The following NKAIN2 variants were observed in gnomAD, a reference collection of about 807,000 sequenced individuals.
NKAIN2 encodes sodium/potassium-transporting ATPase subunit beta-1-interacting protein 2.
Under a neutral mutation model 32.6 loss-of-function variants are expected in NKAIN2, and 14 were observed. That is an observed-to-expected ratio of 0.43 (90% CI 0.28 to 0.67). NKAIN2 has a LOEUF of 0.67. Ranked by LOEUF, NKAIN2 falls within the 30% of genes least tolerant of loss-of-function variation. NKAIN2 has a pLI of 0.17. For missense variants in NKAIN2, 198 were observed against 258.3 expected (o/e 0.77, Z 1.60); for synonymous variants, 80 against 87.2 (o/e 0.92, Z 0.46).
At chr6:124,435,433 GTTTT>G (rs1422418887) in intron 3 of NKAIN2, among the ~76,000 whole-genome samples, 1 of 152,104 alleles carries the variant, frequency 6.6e-6, no homozygotes, top group Non-Finnish European at 1.5e-5. Flanking sequence ...TTAAATGTGT[GTTTT>G]TTGTTTGCTA....
chr6:124,408,559 TCTGTTTTGGTACCAGTACCATG>T (rs1773986028), intron 3 of NKAIN2, among the ~76,000 whole-genome samples: 1 of 152,174 alleles, frequency 6.6e-6, no homozygotes, highest in Non-Finnish European at 1.5e-5. Flanking sequence ...GATCTATATG[TCTGTTTTGGTACCAGTACCATG>T]CTGTTTTGGT....
chr6:124,264,008 A>G (rs1794370373), intron 1 of NKAIN2, among the ~76,000 whole-genome samples: 1 of 152,188 alleles, frequency 6.6e-6, no homozygotes, highest in Non-Finnish European at 1.5e-5. Flanking sequence ...TCCTTGTAGG[A>G]AAAAGGAAAT....
At chr6:124,747,127 C>A (rs2114702088) in intron 4 of NKAIN2, among the ~76,000 whole-genome samples, 1 of 151,938 alleles carries the variant, frequency 6.6e-6, no homozygotes. Flanking sequence ...TTCAATATTT[C>A]TTTAATAATA....
chr6:124,437,974 A>G (rs1029549276), intron 3 of NKAIN2: 6 of 411,084 alleles, frequency 1.5e-5, no homozygotes, highest in Non-Finnish European at 2.8e-5. Context: ...GCAGCTCCTT[A>G]TATCTGGAAA....
rs112148060 is a variant in NKAIN2, at chr6:123,903,911, AT to A, written c.54+99669del. ...AAAGCTCTTCCAGTCTATTATACGCATTTTTTTTTTTTCTAAAGAAAACAAG... is the reference window on the plus strand; with the variant it reads ...AAAGCTCTTCCAGTCTATTATACGCATTTTTTTTTTTCTAAAGAAAACAAG... On this transcript the variant is annotated intron_variant, in intron 1 of 6. Transcript: ENST00000368417. Among the ~76,000 whole-genome samples, 988 of 145,962 alleles carry A rather than the reference AT, an allele frequency of 6.8e-3. 10 individuals are homozygous for A. The highest frequency in any genetic ancestry group is 0.019 in the African/African-American group (748 of 40,158).
chr6:124,400,637 T>C (rs1452163441), intron 3 of NKAIN2, among the ~76,000 whole-genome samples: 2 of 152,190 alleles, frequency 1.3e-5, no homozygotes, highest in African/African-American at 4.8e-5. Context: ...TTTCTTTCTT[T>C]TTTCTCTTCA....
At chr6:124,641,658 T>C (rs994403195) in intron 3 of NKAIN2, among the ~76,000 whole-genome samples, 3 of 148,512 alleles carry the variant, frequency 2.0e-5, no homozygotes, top group Non-Finnish European at 4.5e-5. Context: ...CTAAAGCGAT[T>C]CTCCTGCTTC....
chr6:124,014,622 G>C (rs1347918510), intron 1 of NKAIN2, among the ~76,000 whole-genome samples: 5 of 151,318 alleles, frequency 3.3e-5, no homozygotes, highest in Admixed American at 3.3e-4. Context: ...TTTCTTCACA[G>C]ACTTAGTTTT....
At position 124,729,199 on chromosome 6, in the gene NKAIN2, C is replaced by G. The variant is rs1776513855; in HGVS notation, c.475-62140C>G. ...TAGAAAAAGAGGAAATCCTCCCTAA[C>G]TCATTTTATGAGGCCAGCATCATTC... On this transcript the variant is annotated intron_variant, in intron 4 of 6. Coordinates refer to ENST00000368417, the MANE Select transcript of NKAIN2 (RefSeq NM_001040214.3). Among the ~76,000 whole-genome samples, 4 of 152,040 alleles carry G rather than the reference C, an allele frequency of 2.6e-5. No homozygotes were observed. The South Asian group carries it at 8.3e-4, about 32-fold the overall frequency.
intron 3 of NKAIN2, among the ~76,000 whole-genome samples, chr6:124,478,839 A>G (rs886519478): frequency 5.9e-5 from 9 of 152,182 alleles, no homozygotes; most frequent in Admixed American, 3.9e-4. Context: ...CTTTCCAAAT[A>G]GTACAGTATG....
intron 3 of NKAIN2, among the ~76,000 whole-genome samples, chr6:124,433,181 G>T: frequency 1.3e-5 from 2 of 152,220 alleles, no homozygotes; most frequent in Non-Finnish European, 2.9e-5. Context: ...GAAATTAGGC[G>T]GTGGAAGCAC....
chr6:124,046,034 C>G (rs1030413372), intron 1 of NKAIN2, among the ~76,000 whole-genome samples: 3 of 151,876 alleles, frequency 2.0e-5, no homozygotes, highest in African/African-American at 7.2e-5. Flanking sequence ...ATAATAACTC[C>G]CAAGTTCAAA....
intron 2 of NKAIN2, among the ~76,000 whole-genome samples, chr6:124,290,254 C>A (rs1795738704): frequency 6.6e-6 from 1 of 152,040 alleles, no homozygotes; most frequent in East Asian, 1.9e-4. Context: ...GGATGTGGTA[C>A]ATATAAATAA....
intron 1 of NKAIN2, among the ~76,000 whole-genome samples, chr6:123,805,737 G>A (rs1408961883): frequency 6.6e-6 from 1 of 152,136 alleles, no homozygotes; most frequent in Non-Finnish European, 1.5e-5. Context: ...CTGCCAAACT[G>A]TATAAAGGTT....
chr6:124,419,869 A>C (rs980781105), intron 3 of NKAIN2, among the ~76,000 whole-genome samples: 1 of 152,120 alleles, frequency 6.6e-6, no homozygotes, highest in African/African-American at 2.4e-5. Context: ...TTTAACTACA[A>C]ATACAAGATT....
rs564195386 is a variant in NKAIN2, at chr6:124,443,877, T to C, written c.273+88530T>C. Reference sequence around the variant, plus strand: ...AATGCTGTTCATTTTCTTCTTTGTGTTCTTAACTCTTATCTATCCTTTCAA... The same window carrying C: ...AATGCTGTTCATTTTCTTCTTTGTGCTCTTAACTCTTATCTATCCTTTCAA... On this transcript the variant is annotated intron_variant, in intron 3 of 6. Coordinates refer to ENST00000368417, the MANE Select transcript of NKAIN2 (RefSeq NM_001040214.3). Among the ~76,000 whole-genome samples the C allele has an allele frequency of 3.3e-5, 5 of 152,192 alleles. No homozygotes were observed. In the East Asian group the frequency reaches 9.7e-4, roughly 29 times the overall value.
chr6:124,809,906 G>C (rs1408169730), intron 5 of NKAIN2, among the ~76,000 whole-genome samples: 4 of 152,164 alleles, frequency 2.6e-5, no homozygotes, highest in African/African-American at 9.7e-5. Context: ...CTGGCCATCA[G>C]AGAAATGCAA....
At chr6:124,085,914 G>A (rs911601285) in intron 1 of NKAIN2, among the ~76,000 whole-genome samples, 1 of 151,822 alleles carries the variant, frequency 6.6e-6, no homozygotes, top group Admixed American at 6.6e-5. Flanking sequence ...TTAGATGTAA[G>A]TACAAAACAA....
At chr6:124,712,890 C>G (rs1195742130) in intron 4 of NKAIN2, among the ~76,000 whole-genome samples, 1 of 152,038 alleles carries the variant, frequency 6.6e-6, no homozygotes, top group Admixed American at 6.5e-5. Context: ...AACATTGCAT[C>G]TCACTATATA....
Sources: gnomAD v4.1 joint callset for allele counts (sites outside exome capture counted in the v4.1 genomes callset) on GRCh38, gnomAD v4.1.1 for gene constraint, MANE v1.5 for transcripts, NCBI Gene and HGNC (gene_info 2026-07-23, HGNC 2026-07-21) for gene names.